Variants in SVIL observed in about 807,000 individuals in gnomAD.
SVIL encodes the protein supervillin, also known as archvillin.
SVIL carries 101 observed loss-of-function variants against 240.4 expected under a neutral mutation model. The observed-to-expected ratio is 0.42, with a 90% CI of 0.36 to 0.50. The LOEUF is 0.50. SVIL is among the 20% of genes least tolerant of loss of function. The pLI, the probability that SVIL is intolerant of heterozygous loss-of-function variation, is 0.01. For synonymous variants in SVIL, 999 were observed against 1,100.0 expected (o/e 0.91, Z 1.82); for missense variants, 2,512 against 2,818.7 (o/e 0.89, Z 2.46).
intron 2 of SVIL, among the ~76,000 whole-genome samples, chr10:29,568,821 GT>G: frequency 7.6e-6 from 1 of 130,782 alleles, no homozygotes; most frequent in East Asian, 2.2e-4. Context: ...ATGGATGGAT[GT>G]GTGTGTGTGT....
At chr10:29,519,507 G>A (rs562662253) in intron 16 of SVIL, among the ~76,000 whole-genome samples, 39 of 152,300 alleles carry the variant, frequency 2.6e-4, no homozygotes, top group African/African-American at 9.1e-4. Context: ...ATTTTAAATA[G>A]TTTAAGCTTC....
intron 1 of SVIL, among the ~76,000 whole-genome samples, chr10:29,633,857 T>C (rs1209962326): frequency 1.3e-5 from 2 of 152,130 alleles, no homozygotes; most frequent in African/African-American, 2.4e-5. Flanking sequence ...CTCTAGAACC[T>C]ACAGTGAGGT....
At position 29,523,928 on chromosome 10, in the gene SVIL, T is replaced by G; in HGVS notation, c.2686A>C (p.Thr896Pro). Reference sequence around the variant, plus strand: ...GCATTGTGGTCAAGAGGTGGCTTTGTGCGAAGATCTCCGGCATACATTGGA... The same window carrying G: ...GCATTGTGGTCAAGAGGTGGCTTTGGGCGAAGATCTCCGGCATACATTGGA... ...VAPMYAGDLR[T>P]KPPLDHNASA... Residue 896 changes from threonine (T) to proline (P), a missense_variant, in exon 15 of 38, where the codon ACA becomes CCA. Thr to Pro is a conservative substitution (Grantham distance 38, BLOSUM62 -1). Around this residue, in one of 3 missense-constraint regions of SVIL, gnomAD observed 1,443 missense variants for 1,486.6 expected, o/e 0.97. Coordinates refer to ENST00000355867, the MANE Select transcript of SVIL (RefSeq NM_021738.3). The G allele has an allele frequency of 6.2e-7, 1 of 1,614,156 alleles. No individual in the cohort carries two copies. The highest frequency in any genetic ancestry group is 2.2e-5 in the East Asian group (1 of 44,874).
chr10:29,471,384 A>G, intron 30 of SVIL, 141 bp from the exon 31 acceptor site: 1 of 647,118 alleles, frequency 1.5e-6, no homozygotes. Context: ...ACCTAAAGAG[A>G]AGCTCTGCGA....
intron 1 of SVIL, among the ~76,000 whole-genome samples, chr10:29,699,549 C>T (rs904660115): frequency 2.0e-5 from 3 of 152,158 alleles, no homozygotes; most frequent in Admixed American, 2.0e-4. Flanking sequence ...GATGATCCAC[C>T]CTCCTTGGCC....
chr10:29,509,379 G>GAGAGAA, intron 17 of SVIL, among the ~76,000 whole-genome samples: 1 of 135,676 alleles, frequency 7.4e-6, no homozygotes, highest in African/African-American at 2.9e-5. Context: ...GAGAGAGAGA[G>GAGAGAA]AATACCCAAA....
In SVIL at chr10:29,551,209, C is replaced by A; in HGVS notation, c.215G>T (p.Arg72Leu). The change falls in exon 6 of 38, where the codon CGA becomes CTA. Residue 72 changes from arginine to leucine, a missense_variant. Arg to Leu is a moderately radical substitution (Grantham distance 102). This residue lies in a region of SVIL where 1,443 missense variants were observed against 1,486.6 expected (regional missense o/e 0.97). Coordinates refer to ENST00000355867, the MANE Select transcript of SVIL (RefSeq NM_021738.3). The stretch of plus-strand genomic sequence containing the variant: ...GGAGGTTTCTGTGCAGTATTTGGAT[C>A]GAGTTTGCTTTTCTAGAGAAGAATC... ...TSDSSLEKQT[R>L]SKYCTETSGV... is the part of the protein sequence containing the mutation. 2 of 1,609,818 alleles carry A rather than the reference C, an allele frequency of 1.2e-6. No individual in the cohort carries two copies. The highest frequency in any genetic ancestry group is 1.7e-6 in the Non-Finnish European group (2 of 1,178,206).
At chr10:29,718,899 C>T (rs903325798) in intron 1 of SVIL, among the ~76,000 whole-genome samples, 5 of 152,070 alleles carry the variant, frequency 3.3e-5, no homozygotes, top group Non-Finnish European at 7.4e-5. Context: ...TACCTGAGGT[C>T]GAGAGTTTAA....
chr10:29,613,756 T>C (rs1002226850), intron 1 of SVIL, among the ~76,000 whole-genome samples: 2 of 152,216 alleles, frequency 1.3e-5, no homozygotes, highest in Non-Finnish European at 2.9e-5. Context: ...ATCCAGAATT[T>C]TCCCTGGATG....
Position 29,470,272 on chromosome 10 carries a change from T to C in SVIL, c.5843+4A>G. 6.2e-7 allele frequency: 1 copy of C among 1,614,120 alleles called. No individual in the cohort carries two copies. The highest frequency in any genetic ancestry group is 8.5e-7 in the Non-Finnish European group (1 of 1,180,006). On this transcript the variant is annotated splice_donor_region_variant and intron_variant, in intron 32 of 37. Transcript: ENST00000355867. ...GGGGGACTCGCCGCAGACACAACAC[T>C]CACTGTTCCTTGATCTTGTTCGCAG... is the stretch of plus-strand genomic sequence containing the variant.
intron 2 of SVIL, among the ~76,000 whole-genome samples, chr10:29,567,062 C>T (rs1443263854): frequency 2.6e-5 from 4 of 151,962 alleles, no homozygotes; most frequent in Non-Finnish European, 2.9e-5. Context: ...GATTTTTTTC[C>T]AACTCTCTTT....
In SVIL at chr10:29,524,583, C is replaced by T. The variant is rs778055164; in HGVS notation, c.2475G>A (p.Leu825=). Residue 825 remains leucine (L), a synonymous_variant, in exon 14 of 38, where the codon TTG becomes TTA. Coordinates refer to ENST00000355867, the MANE Select transcript of SVIL (RefSeq NM_021738.3). ...LAEKLALFNK[L]SQPVSKAIST... is the part of the protein sequence containing the mutation. ...AAATCGCTTTTGAGACTGGCTGGGA[C>T]AATTTGTTAAACAAGGCCAACTTTT... The T allele has an allele frequency of 6.2e-7, 1 of 1,614,096 alleles. No homozygotes were observed. The highest frequency in any genetic ancestry group is 8.5e-7 in the Non-Finnish European group (1 of 1,180,036).
chr10:29,708,153 G>A (rs955644960), intron 1 of SVIL, among the ~76,000 whole-genome samples: 1 of 151,270 alleles, frequency 6.6e-6, no homozygotes, highest in South Asian at 2.1e-4. Flanking sequence ...AGCTACTCGG[G>A]AGGCTGAGGC....
chr10:29,498,630 A>C (rs1223312702), intron 18 of SVIL, among the ~76,000 whole-genome samples: 1 of 152,208 alleles, frequency 6.6e-6, no homozygotes, highest in Non-Finnish European at 1.5e-5. Context: ...TATTCAGTAG[A>C]AATATCTCAC....
At chr10:29,701,472 C>G (rs1174645277) in intron 1 of SVIL, among the ~76,000 whole-genome samples, 1 of 152,096 alleles carries the variant, frequency 6.6e-6, no homozygotes, top group Non-Finnish European at 1.5e-5. Flanking sequence ...ATGTATAACG[C>G]CCAAGTTTCC....
At chr10:29,619,914 T>C (rs897939716) in intron 1 of SVIL, among the ~76,000 whole-genome samples, 50 of 152,162 alleles carry the variant, frequency 3.3e-4, no homozygotes, top group African/African-American at 1.2e-3. Flanking sequence ...TACGCATACA[T>C]AGGTACACAT....
At chr10:29,696,195 C>T (rs1338867543) in intron 1 of SVIL, among the ~76,000 whole-genome samples, 2 of 151,910 alleles carry the variant, frequency 1.3e-5, no homozygotes, top group Admixed American at 6.5e-5. Context: ...CGCGAGTGTT[C>T]CGCCAGCCTC....
intron 6 of SVIL, among the ~76,000 whole-genome samples, chr10:29,550,019 TAAAA>T (rs11339067): frequency 2.0e-4 from 14 of 70,246 alleles, no homozygotes; most frequent in South Asian, 8.9e-4. Context: ...ACTTAAAGTA[TAAAA>T]AAAAAAAAAA....
intron 10 of SVIL, among the ~76,000 whole-genome samples, chr10:29,531,021 T>C (rs1484931166): frequency 3.3e-5 from 5 of 152,228 alleles, no homozygotes; most frequent in Non-Finnish European, 7.3e-5. Context: ...TGGTTTGAAT[T>C]AGTTGTTTTT....
Sources: gnomAD v4.1 joint callset for allele counts (sites outside exome capture counted in the v4.1 genomes callset) on GRCh38, gnomAD v4.1.1 for gene constraint, gnomAD v4.1.1 regional missense constraint, MANE v1.5 for transcripts, NCBI Gene and HGNC (gene_info 2026-07-23, HGNC 2026-07-21) for gene names.